The following EBF4 variants were observed in gnomAD, a reference collection of about 807,000 sequenced individuals.
EBF4 encodes the protein transcription factor COE4.
A neutral mutation model predicts 67.1 loss-of-function variants in EBF4; 34 were observed. That is an observed-to-expected ratio of 0.51 (90% confidence interval 0.39 to 0.67). The LOEUF is 0.67. Ranked by LOEUF, EBF4 falls within the 30% of genes least tolerant of loss-of-function variation. The pLI is 0.00. For missense variants in EBF4, 837 were observed against 873.3 expected, an observed-to-expected ratio of 0.96 and a Z score of 0.52; for synonymous variants, 387 against 377.7, an observed-to-expected ratio of 1.02 and a Z score of -0.29.
chr20:2,718,366 A>G (rs1477545387), intron 6 of EBF4, among the ~76,000 whole-genome samples: 1 of 152,166 alleles, frequency 6.6e-6, no homozygotes, highest in Non-Finnish European at 1.5e-5. Context: ...TGGAACCAGT[A>G]TAATTTCTTC....
intron 1 of EBF4, 126 bp from the exon 2 acceptor site, chr20:2,705,450 AT>A: frequency 7.3e-7 from 1 of 1,365,826 alleles, no homozygotes; most frequent in Non-Finnish European, 1.0e-6. Context: ...GTCTAGTTGG[AT>A]TTTTTGCCCA....
chr20:2,702,325 G>A (rs1296842603), intron 1 of EBF4, among the ~76,000 whole-genome samples: 1 of 152,074 alleles, frequency 6.6e-6, no homozygotes, highest in Non-Finnish European at 1.5e-5. Context: ...CTACTCGGAC[G>A]GCTGAGGTGG....
At chr20:2,697,648 C>T (rs540843409) in intron 1 of EBF4, among the ~76,000 whole-genome samples, 1 of 152,118 alleles carries the variant, frequency 6.6e-6, no homozygotes, top group East Asian at 1.9e-4. Context: ...AGAGGGCTGC[C>T]CTCTCCCTAC....
chr20:2,719,348 C>T (rs1478597068), intron 6 of EBF4, among the ~76,000 whole-genome samples: 1 of 152,198 alleles, frequency 6.6e-6, no homozygotes, highest in Non-Finnish European at 1.5e-5. Flanking sequence ...AATCTCGGCT[C>T]ACTGCAACCT....
At chr20:2,743,074 C>T (rs570001099) in intron 6 of EBF4, among the ~76,000 whole-genome samples, 1 of 152,336 alleles carries the variant, frequency 6.6e-6, no homozygotes, top group Admixed American at 6.5e-5. Context: ...CCCCAGCCCC[C>T]ACATCTGGCC....
rs757237255 is a variant in EBF4, at chr20:2,755,646, G to A, written c.1560G>A (p.Pro520=). The A allele has an allele frequency of 5.9e-5, 50 of 842,696 alleles. 1 individual carries two copies. Among genetic ancestry groups the A allele is most frequent in the Middle Eastern group, 2.9e-4 (1 of 3,404 alleles). The allele number at this position is 842,696 out of a possible 1,614,324, so 52.2% of individuals were successfully genotyped here. A position where few individuals can be genotyped will look rare whatever the true frequency, so the allele number is the denominator to read the frequency against. ...CCGGAGTCATGCCCTCTAGCCCCCC[G>A]CTGGCGGCTGCCTCCTCCATGTCCC... Residue 520 remains proline (P), a synonymous_variant, in exon 15 of 17, where the codon CCG becomes CCA. Coordinates refer to ENST00000609451, the Ensembl canonical transcript of EBF4. The surrounding 1 kb of genome is among the most constrained non-coding windows in gnomAD (Gnocchi z 4.7).
chr20:2,754,978 C>A (rs2875805), intron 14 of EBF4: 1 of 118,560 alleles, frequency 8.4e-6, no homozygotes, highest in African/African-American at 2.8e-5. Context: ...CCACCCCCCC[C>A]CACAGGGCCC....
intron 6 of EBF4, among the ~76,000 whole-genome samples, chr20:2,732,864 C>T (rs1037541415): frequency 6.6e-6 from 1 of 151,280 alleles, no homozygotes; most frequent in Non-Finnish European, 1.5e-5. Flanking sequence ...CCCATATATC[C>T]CCTATCCCCA....
At chr20:2,703,350 C>T (rs564478168) in intron 1 of EBF4, among the ~76,000 whole-genome samples, 14 of 151,398 alleles carry the variant, frequency 9.2e-5, no homozygotes, top group Admixed American at 1.3e-4. Flanking sequence ...GCAGGAGGAT[C>T]GCTTAAGTCT....
At position 2,707,205 on chromosome 20, in the gene EBF4, G is replaced by C. The variant is rs2087470725; in HGVS notation, c.415-742G>C. ...CACTGGGCTGGGGGAGGCAGGCCAG[G>C]CAGTGCCTAGTGGAACTGTCAAGGG... On this transcript the variant is annotated intron_variant, in intron 4 of 16. Coordinates refer to ENST00000609451, the Ensembl canonical transcript of EBF4. This position sits in a 1 kb window ranked among gnomAD's most constrained non-coding sequence, Gnocchi z 4.6. Among the ~76,000 whole-genome samples the C allele has an allele frequency of 1.3e-5, 2 of 152,080 alleles. No homozygotes were observed. The highest frequency in any genetic ancestry group is 6.5e-5 in the Admixed American group (1 of 15,276).
intron 14 of EBF4, among the ~76,000 whole-genome samples, chr20:2,754,278 A>G (rs2088203116): frequency 6.6e-6 from 1 of 152,010 alleles, no homozygotes; most frequent in South Asian, 2.1e-4. Flanking sequence ...ACATTCCTGG[A>G]GTGACATCAG....
At chr20:2,729,895 G>C (rs2087791566) in intron 6 of EBF4, among the ~76,000 whole-genome samples, 1 of 152,228 alleles carries the variant, frequency 6.6e-6, no homozygotes, top group South Asian at 2.1e-4. Context: ...GCAGAGCTGA[G>C]TAAGGATGTG....
chr20:2,706,011 A>G lies in EBF4; in HGVS notation c.332A>G (p.Tyr111Cys). The change falls in exon 3 of 17, where the codon TAC becomes TGC. Residue 111 changes from tyrosine to cysteine, a missense_variant. Around this residue, in one of 3 missense-constraint regions of EBF4, gnomAD observed 226 missense variants for 306.5 expected, o/e 0.74. Transcript: ENST00000609451. ...GAAAAGACTAACAATGGGATCCATT[A>G]CCGCCTCCGGCTGGTGTATAACAAT... The G allele has an allele frequency of 1.3e-6, 2 of 1,551,568 alleles. 1 individual carries two copies. Among genetic ancestry groups the G allele is most frequent in the South Asian group, 2.4e-5 (2 of 84,040 alleles).
At chr20:2,693,416 C>T (rs1464975605), upstream of EBF4, among the ~76,000 whole-genome samples, 5 of 151,472 alleles carry the variant, frequency 3.3e-5, no homozygotes, top group Admixed American at 2.6e-4. The surrounding 1 kb of genome is among the most constrained non-coding windows in gnomAD (Gnocchi z 4.6). Context: ...GCGGGGGAAT[C>T]CCTCCATCTC....
chr20:2,732,311 G>A (rs757745773), intron 6 of EBF4, among the ~76,000 whole-genome samples: 91 of 152,096 alleles, frequency 6.0e-4, no homozygotes, highest in African/African-American at 2.0e-3. Context: ...TAGTTGAGAC[G>A]GGGTTTCACC....
At chr20:2,744,729 C>T (rs796887619) in intron 6 of EBF4, among the ~76,000 whole-genome samples, 15 of 151,886 alleles carry the variant, frequency 9.9e-5, no homozygotes, top group African/African-American at 3.4e-4. Flanking sequence ...TGGCCTCAAG[C>T]GATCCACCCA....
chr20:2,693,893 C>A lies in EBF4; in HGVS notation c.137+111C>A, dbSNP rs2087248599. ...GGGCGGAAGGAGCCCTAACTCTGGA[C>A]GGTCCCGGCGAGCTCCCCGGCCCAC... On this transcript the variant is annotated intron_variant, in intron 1 of 16. Transcript: ENST00000609451. This position sits in a 1 kb window ranked among gnomAD's most constrained non-coding sequence, Gnocchi z 4.6. 4 of 1,218,910 alleles carry A rather than the reference C, an allele frequency of 3.3e-6. No homozygotes were observed. The highest frequency in any genetic ancestry group is 7.5e-5 in the South Asian group (2 of 26,638). The allele number at this position is 1,218,910 out of a possible 1,614,324, so 75.5% of individuals were successfully genotyped here. A position where few individuals can be genotyped will look rare whatever the true frequency, so the allele number is the denominator to read the frequency against.
intron 6 of EBF4, among the ~76,000 whole-genome samples, chr20:2,736,971 C>T (rs565056093): frequency 2.8e-4 from 42 of 152,034 alleles, no homozygotes; most frequent in African/African-American, 8.0e-4. Context: ...GGAAGAGGAC[C>T]GGGCGCGGTG....
chr20:2,698,614 T>C (rs2087330884), intron 1 of EBF4, among the ~76,000 whole-genome samples: 1 of 151,944 alleles, frequency 6.6e-6, no homozygotes, highest in Non-Finnish European at 1.5e-5. Flanking sequence ...AGGATGGGGC[T>C]AAGAAGAGCT....
Sources: gnomAD v4.1 joint callset for allele counts (sites outside exome capture counted in the v4.1 genomes callset) on GRCh38, gnomAD v4.1.1 for gene constraint, gnomAD v4.1.1 regional missense constraint, Gnocchi (gnomAD v3.1) non-coding constraint, MANE v1.5 for transcripts, NCBI Gene and HGNC (gene_info 2026-07-23, HGNC 2026-07-21) for gene names.